PDE1C: variants seen among roughly 807,000 people sequenced by gnomAD.
PDE1C encodes the protein phosphodiesterase 1C.
A neutral mutation model predicts 93.1 loss-of-function variants in PDE1C; 62 were observed. The ratio of observed to expected loss-of-function variants is 0.67; its 90% confidence interval spans 0.54 to 0.82. The LOEUF (loss-of-function observed/expected upper bound fraction) is 0.82. Ranked by LOEUF, PDE1C falls within the 40% of genes least tolerant of loss-of-function variation. The probability of loss-of-function intolerance (pLI) is 0.00; values close to 1 mark genes in which losing one functional copy is unlikely to be tolerated. For synonymous variants in PDE1C, 325 were observed against 310.1 expected, an observed-to-expected ratio of 1.05 and a Z score of -0.50; for missense variants, 742 against 884.6, an observed-to-expected ratio of 0.84 and a Z score of 2.04.
At chr7:32,414,276 A>G (rs1338391797) in intron 1 of PDE1C, among the ~76,000 whole-genome samples, 1 of 151,984 alleles carries the variant, frequency 6.6e-6, no homozygotes. Context: ...AAATTATACT[A>G]CCTACACAGA....
intron 3 of PDE1C, among the ~76,000 whole-genome samples, chr7:32,115,752 C>T (rs1798953191): frequency 1.3e-5 from 2 of 152,216 alleles, no homozygotes; most frequent in African/African-American, 2.4e-5. Flanking sequence ...TAGGAGACTT[C>T]ATTCCCCAAT....
chr7:32,133,994 T>C (rs1000220951), intron 3 of PDE1C, among the ~76,000 whole-genome samples: 2 of 151,890 alleles, frequency 1.3e-5, no homozygotes, highest in Admixed American at 6.6e-5. Context: ...AATTGAAGAA[T>C]ACTATACCTG....
chr7:32,119,158 A>C (rs549592312), intron 3 of PDE1C, among the ~76,000 whole-genome samples: 1 of 152,136 alleles, frequency 6.6e-6, no homozygotes, highest in Non-Finnish European at 1.5e-5. Context: ...GACATCCTCT[A>C]TTTATGCTCA....
intron 3 of PDE1C, among the ~76,000 whole-genome samples, chr7:32,125,440 T>C (rs758214904): frequency 6.6e-6 from 1 of 152,130 alleles, no homozygotes; most frequent in Non-Finnish European, 1.5e-5. Context: ...GCAGCACTAT[T>C]TACAATAGCA....
intron 3 of PDE1C, among the ~76,000 whole-genome samples, chr7:32,142,250 A>T (rs1471734092): frequency 6.6e-6 from 1 of 152,184 alleles, no homozygotes; most frequent in East Asian, 1.9e-4. Context: ...GAAGGGGGAT[A>T]GAGGAAGGTA....
At chr7:31,990,900 T>C (rs563677680) in intron 2 of PDE1C, among the ~76,000 whole-genome samples, 41 of 152,310 alleles carry the variant, frequency 2.7e-4, no homozygotes, top group African/African-American at 9.1e-4. Context: ...ATTTCATGCT[T>C]AAACTACCAC....
At chr7:31,667,703 C>T in the PDE1C span, among the ~76,000 whole-genome samples, 1 of 151,844 alleles carries the variant, frequency 6.6e-6, no homozygotes, top group East Asian at 1.9e-4. Context: ...ACAATAGGAT[C>T]ATGATGGTAG....
At chr7:32,129,333 A>G (rs1314354152) in intron 3 of PDE1C, among the ~76,000 whole-genome samples, 1 of 148,488 alleles carries the variant, frequency 6.7e-6, no homozygotes, top group Non-Finnish European at 1.5e-5. Context: ...TTGAGAAAAC[A>G]TACACAAATA....
rs543880696 is a variant in PDE1C at position 31,868,081 on chromosome 7, A to G, written c.610-2999T>C. Among the ~76,000 whole-genome samples, 9 of 152,240 alleles carry G rather than the reference A, an allele frequency of 5.9e-5. No homozygotes were observed. In the South Asian group the frequency reaches 1.4e-3, roughly 25 times the overall value. On this transcript the variant is annotated intron_variant, in intron 6 of 17. Transcript: ENST00000396191. ...GTGAAAGCAAATTTTAAAAATGGAA[A>G]TAAGTGACTGTTTAACAAGATGCAA...
chr7:32,242,359 A>G (rs1424149219), intron 1 of PDE1C, among the ~76,000 whole-genome samples: 1 of 152,212 alleles, frequency 6.6e-6, no homozygotes, highest in African/African-American at 2.4e-5. Context: ...AGCTGGGAGC[A>G]AAGAAAGGAG....
At chr7:32,149,732 C>G (rs1313735031) in intron 3 of PDE1C, among the ~76,000 whole-genome samples, 1 of 152,180 alleles carries the variant, frequency 6.6e-6, no homozygotes, top group Non-Finnish European at 1.5e-5. Flanking sequence ...GAAAGTCCAT[C>G]AAATTTTAAC....
the PDE1C span, among the ~76,000 whole-genome samples, chr7:31,622,708 A>T: frequency 6.6e-6 from 1 of 152,134 alleles, no homozygotes. Flanking sequence ...CTAGAAAATC[A>T]AGAGCAAACA....
chr7:32,072,319 C>A (rs1796111207), upstream of PDE1C, among the ~76,000 whole-genome samples: 1 of 152,146 alleles, frequency 6.6e-6, no homozygotes, highest in Admixed American at 6.5e-5. Flanking sequence ...TTAAAGGCAG[C>A]CTTTTAAGGT....
At chr7:32,427,197 G>A (rs959955984) in intron 1 of PDE1C, among the ~76,000 whole-genome samples, 9 of 152,276 alleles carry the variant, frequency 5.9e-5, no homozygotes, top group Non-Finnish European at 1.0e-4. Context: ...AGTTTTCACA[G>A]CCTTTCTACT....
intron 2 of PDE1C, among the ~76,000 whole-genome samples, chr7:31,988,711 T>C (rs1271612672): frequency 1.3e-5 from 2 of 152,012 alleles, no homozygotes; most frequent in Non-Finnish European, 2.9e-5. Context: ...AACAAATAAA[T>C]ACAGGCTTGG....
chr7:31,930,038 G>A (rs557300199), intron 2 of PDE1C, among the ~76,000 whole-genome samples: 22 of 152,100 alleles, frequency 1.4e-4, no homozygotes, highest in African/African-American at 5.3e-4. Flanking sequence ...ATAAAGAAGA[G>A]AGAAGAATCA....
intron 2 of PDE1C, among the ~76,000 whole-genome samples, chr7:32,004,379 G>C (rs1785900406): frequency 6.6e-6 from 1 of 152,106 alleles, no homozygotes; most frequent in Admixed American, 6.5e-5. Context: ...AGGTAACCAA[G>C]GGGTCCATAG....
intron 3 of PDE1C, among the ~76,000 whole-genome samples, chr7:32,086,091 A>G (rs932598126): frequency 4.0e-5 from 6 of 151,322 alleles, no homozygotes; most frequent in African/African-American, 7.3e-5. Flanking sequence ...ACATGATTGT[A>G]TATCTAGAAA....
chr7:31,858,264 T>C (rs1794262988), intron 7 of PDE1C, among the ~76,000 whole-genome samples: 1 of 152,176 alleles, frequency 6.6e-6, no homozygotes, highest in African/African-American at 2.4e-5. Flanking sequence ...TGAGTCATTT[T>C]GGCCAGTGAG....
Sources: allele counts gnomAD v4.1 joint callset (sites outside exome capture counted in the v4.1 genomes callset), GRCh38; gene constraint gnomAD v4.1.1; transcripts MANE v1.5; gene names NCBI Gene and HGNC (gene_info 2026-07-23, HGNC 2026-07-21).